The following MAGI1 variants were observed in gnomAD, a reference collection of about 807,000 sequenced individuals.
MAGI1 encodes membrane-associated guanylate kinase, WW and PDZ domain-containing protein 1.
Under a neutral mutation model 139.9 loss-of-function variants are expected in MAGI1, and 58 were observed. The observed-to-expected ratio is 0.41, with a 90% CI of 0.34 to 0.52. MAGI1 has a LOEUF of 0.52. MAGI1 is among the 20% of genes least tolerant of loss of function. The pLI is 0.12. For missense variants in MAGI1, 1,874 were observed against 1,901.6 expected (o/e 0.99, Z 0.27); for synonymous variants, 812 against 737.9 (o/e 1.10, Z -1.63).
chr3:65,706,387 C>G (rs1468117459), intron 1 of MAGI1, among the ~76,000 whole-genome samples: 2 of 152,190 alleles, frequency 1.3e-5, no homozygotes, highest in African/African-American at 4.8e-5. Flanking sequence ...AAGACTAAGG[C>G]GCCATACCAT....
chr3:65,898,290 A>G (rs867546108), intron 1 of MAGI1, among the ~76,000 whole-genome samples: 24 of 152,316 alleles, frequency 1.6e-4, no homozygotes, highest in Middle Eastern at 3.4e-3. Flanking sequence ...GGTCCACTGA[A>G]CACTTTAAAT....
intron 1 of MAGI1, among the ~76,000 whole-genome samples, chr3:65,991,016 C>T (rs1029231264): frequency 1.1e-4 from 16 of 151,910 alleles, no homozygotes; most frequent in African/African-American, 2.2e-4. Context: ...AGGCTGGGCA[C>T]GGTGGCTCAC....
chr3:65,542,611 C>A (rs1443270978), intron 2 of MAGI1, among the ~76,000 whole-genome samples: 1 of 152,088 alleles, frequency 6.6e-6, no homozygotes, highest in Non-Finnish European at 1.5e-5. Flanking sequence ...CATCTACAAC[C>A]ATATGACCTT....
chr3:65,474,972 G>A (rs1461525368), intron 4 of MAGI1, among the ~76,000 whole-genome samples: 2 of 152,198 alleles, frequency 1.3e-5, no homozygotes, highest in African/African-American at 4.8e-5. Flanking sequence ...TTGCCATATA[G>A]TCCATACTTG....
Position 65,440,014 on chromosome 3 carries a change from T to C in MAGI1, c.1137-2A>G. The C allele has an allele frequency of 6.2e-7, 1 of 1,614,002 alleles. No individual in the cohort carries two copies. Among genetic ancestry groups the C allele is most frequent in the Non-Finnish European group, 8.5e-7 (1 of 1,179,970 alleles). ...TATTGTGTCTTCCTGTTGATGTGGC[T>C]GGGGAAGATAGCAAATAGTATTCAG... On this transcript the variant is annotated splice_acceptor_variant, in intron 8 of 22. Coordinates refer to ENST00000402939, the MANE Select transcript of MAGI1 (RefSeq NM_001033057.2). LOFTEE classifies it high-confidence loss of function.
intron 1 of MAGI1, among the ~76,000 whole-genome samples, chr3:65,848,116 A>T (rs924293568): frequency 6.6e-6 from 1 of 152,210 alleles, no homozygotes; most frequent in Admixed American, 6.5e-5. Flanking sequence ...CATTTCCCCA[A>T]TTTATTGCCA....
intron 1 of MAGI1, among the ~76,000 whole-genome samples, chr3:65,668,771 C>T (rs1389876616): frequency 1.3e-5 from 2 of 151,642 alleles, no homozygotes; most frequent in Non-Finnish European, 2.9e-5. Context: ...CCAGGTTGGT[C>T]TTGAACTCCT....
chr3:65,794,844 GAAA>G lies in MAGI1; in HGVS notation c.314-172759_314-172757del, dbSNP rs10581418. Among the ~76,000 whole-genome samples the G allele has an allele frequency of 1.7e-3, 225 of 131,798 alleles. 2 individuals carry two copies. The highest frequency in any genetic ancestry group is 4.8e-3 in the African/African-American group (167 of 35,008). The allele number at this position is 131,798 out of a possible 152,430, so 86.5% of individuals were successfully genotyped here. A position where few individuals can be genotyped will look rare whatever the true frequency, so the allele number is the denominator to read the frequency against. ...ACACAACAAAACAAACCCTCATCAG[GAAA>G]AAAAAAAAAAAAACCCACAAACTAT... On this transcript the variant is annotated intron_variant, in intron 1 of 22. Transcript: ENST00000402939.
At chr3:65,831,340 C>T (rs576679732) in intron 1 of MAGI1, among the ~76,000 whole-genome samples, 2 of 152,316 alleles carry the variant, frequency 1.3e-5, no homozygotes, top group Admixed American at 6.5e-5. Flanking sequence ...ATACAAGTAG[C>T]GTTACCTGGA....
At chr3:65,509,576 C>T (rs375961664) in intron 2 of MAGI1, among the ~76,000 whole-genome samples, 92 of 152,294 alleles carry the variant, frequency 6.0e-4, no homozygotes, top group African/African-American at 1.9e-3. Flanking sequence ...CACTCCCACC[C>T]GAATATTTCG....
In MAGI1 at chr3:65,783,879, T is replaced by C. The variant is rs569519942; in HGVS notation, c.314-161791A>G. Among the ~76,000 whole-genome samples, 7 of 151,870 alleles carry C rather than the reference T, an allele frequency of 4.6e-5. No homozygotes were observed. In the South Asian group the frequency reaches 1.5e-3, roughly 32 times the overall value. ...GGCCCTTGCCTGTAATCCCAGCACT[T>C]TGGGAGGCCGAGGCAGATGGACCAC... On this transcript the variant is annotated intron_variant, in intron 1 of 22. Coordinates refer to ENST00000402939, the MANE Select transcript of MAGI1 (RefSeq NM_001033057.2).
At chr3:65,627,485 C>CTTTTTTTTTTTT (rs779588733) in intron 1 of MAGI1, among the ~76,000 whole-genome samples, 1 of 28,354 alleles carries the variant, frequency 3.5e-5, no homozygotes, top group Middle Eastern at 0.022. Context: ...ATTTCTGTAT[C>CTTTTTTTTTTTT]TTTTTTTTTT....
At chr3:65,520,847 G>A (rs1327761416) in intron 2 of MAGI1, among the ~76,000 whole-genome samples, 1 of 152,128 alleles carries the variant, frequency 6.6e-6, no homozygotes, top group Non-Finnish European at 1.5e-5. Flanking sequence ...TATAAACCAT[G>A]GTAGTCATGG....
intron 5 of MAGI1, among the ~76,000 whole-genome samples, chr3:65,467,507 C>A (rs527422269): frequency 6.6e-6 from 1 of 152,276 alleles, no homozygotes; most frequent in East Asian, 1.9e-4. Context: ...CAGCCCAAAT[C>A]CCATAATTAT....
intron 1 of MAGI1, among the ~76,000 whole-genome samples, chr3:65,636,449 A>T (rs567587867): frequency 6.6e-6 from 1 of 152,176 alleles, no homozygotes; most frequent in Non-Finnish European, 1.5e-5. Context: ...TTCAAAAGTG[A>T]TTATAAATAA....
intron 1 of MAGI1, among the ~76,000 whole-genome samples, chr3:65,644,442 A>C (rs2085151290): frequency 6.6e-6 from 1 of 150,736 alleles, no homozygotes; most frequent in African/African-American, 2.4e-5. Flanking sequence ...AACCCAGAAG[A>C]CATAGCAGGG....
At chr3:65,716,061 C>CA (rs1168230623) in intron 1 of MAGI1, among the ~76,000 whole-genome samples, 10 of 152,176 alleles carry the variant, frequency 6.6e-5, no homozygotes, top group East Asian at 1.9e-4. Context: ...AATTATATTC[C>CA]AAAAAAATCG....
intron 13 of MAGI1, among the ~76,000 whole-genome samples, chr3:65,393,420 C>A (rs1043850096): frequency 6.6e-6 from 1 of 152,104 alleles, no homozygotes; most frequent in African/African-American, 2.4e-5. Context: ...ATATTACCTA[C>A]CTTTTTTACT....
intron 1 of MAGI1, among the ~76,000 whole-genome samples, chr3:65,666,298 T>C (rs2086518649): frequency 6.6e-6 from 1 of 152,210 alleles, no homozygotes; most frequent in Non-Finnish European, 1.5e-5. Context: ...TCAGAGATAC[T>C]ATAAATAGTG....
Sources: allele counts gnomAD v4.1 joint callset (sites outside exome capture counted in the v4.1 genomes callset), GRCh38; gene constraint gnomAD v4.1.1; transcripts MANE v1.5; gene names NCBI Gene and HGNC (gene_info 2026-07-23, HGNC 2026-07-21).